Variants in MARCHF1 observed in about 807,000 individuals in gnomAD.
The protein encoded by MARCHF1 is E3 ubiquitin-protein ligase MARCHF1.
In MARCHF1, 40 loss-of-function variants were observed where a neutral mutation model predicts 54.2. That is an observed-to-expected ratio of 0.74 (90% CI 0.57 to 0.96). The LOEUF (loss-of-function observed/expected upper bound fraction) is 0.96, where lower values mean the gene tolerates loss of function less well. Ranked by LOEUF, MARCHF1 falls within the 40% of genes least tolerant of loss-of-function variation. The pLI, the probability that MARCHF1 is intolerant of heterozygous loss-of-function variation, is 0.00. For missense variants in MARCHF1, 586 were observed against 656.5 expected, an observed-to-expected ratio of 0.89 and a Z score of 1.17; for synonymous variants, 236 against 236.3, an observed-to-expected ratio of 1.00 and a Z score of 0.01.
At chr4:164,157,606 G>A (rs1347690561) in intron 1 of MARCHF1, among the ~76,000 whole-genome samples, 2 of 152,104 alleles carry the variant, frequency 1.3e-5, no homozygotes, top group Non-Finnish European at 2.9e-5. Context: ...AACCTGTAGG[G>A]GAGTCCTACT....
chr4:163,660,912 A>T (rs1169560554), intron 5 of MARCHF1, among the ~76,000 whole-genome samples: 1 of 152,040 alleles, frequency 6.6e-6, no homozygotes, highest in African/African-American at 2.4e-5. Context: ...GACCTAGGTT[A>T]TAATTTTCAC....
chr4:164,350,894 G>C (rs964555991), intron 1 of MARCHF1, among the ~76,000 whole-genome samples: 29 of 152,134 alleles, frequency 1.9e-4, no homozygotes, highest in Admixed American at 1.1e-3. Flanking sequence ...GGGCGCAGGC[G>C]AGTGGGTGCG....
intron 5 of MARCHF1, among the ~76,000 whole-genome samples, chr4:163,664,293 GAAGATC>G (rs901756077): frequency 2.0e-5 from 3 of 151,994 alleles, no homozygotes; most frequent in African/African-American, 7.2e-5. Context: ...GATGTATACA[GAAGATC>G]AAGTTAATGA....
chr4:163,858,080 G>A (rs1012400865), intron 3 of MARCHF1, among the ~76,000 whole-genome samples: 5 of 98,972 alleles, frequency 5.1e-5, no homozygotes, highest in Admixed American at 1.0e-4. Flanking sequence ...ACTACAAGCT[G>A]TGTTGCACAA....
At chr4:164,383,251 A>G (rs903207248) in intron 1 of MARCHF1, 1 of 152,332 alleles carries the variant, frequency 6.6e-6, no homozygotes, top group African/African-American at 2.4e-5. Flanking sequence ...CCGCAGGAAC[A>G]CAATGACATC....
intron 1 of MARCHF1, among the ~76,000 whole-genome samples, chr4:164,293,782 T>C (rs886078408): frequency 3.3e-5 from 5 of 152,218 alleles, no homozygotes; most frequent in African/African-American, 9.6e-5. Context: ...AAGGCTCCCA[T>C]GCATTAGTTC....
intron 3 of MARCHF1, among the ~76,000 whole-genome samples, chr4:163,954,071 G>A (rs1752186093): frequency 6.6e-6 from 1 of 152,140 alleles, no homozygotes; most frequent in African/African-American, 2.4e-5. Context: ...AATAGGTTGT[G>A]TACAGTAAGC....
intron 3 of MARCHF1, among the ~76,000 whole-genome samples, chr4:163,984,302 A>ACATATAAAC (rs2110875911): frequency 6.6e-6 from 1 of 152,360 alleles, no homozygotes; most frequent in African/African-American, 2.4e-5. Context: ...AAGAAAATGT[A>ACATATAAAC]CATATAAACA....
intron 3 of MARCHF1, among the ~76,000 whole-genome samples, chr4:163,940,465 G>A (rs1451758709): frequency 6.6e-6 from 1 of 152,018 alleles, no homozygotes; most frequent in African/African-American, 2.4e-5. Flanking sequence ...GTACGCATAT[G>A]GTAGTTAAAT....
intron 1 of MARCHF1, among the ~76,000 whole-genome samples, chr4:164,185,076 A>G (rs1730931558): frequency 6.6e-6 from 1 of 152,248 alleles, no homozygotes; most frequent in Non-Finnish European, 1.5e-5. Context: ...TTAACAATAT[A>G]AATATGTCAT....
chr4:163,876,126 T>C (rs1446184085), intron 3 of MARCHF1, among the ~76,000 whole-genome samples: 2 of 152,166 alleles, frequency 1.3e-5, no homozygotes, highest in Non-Finnish European at 2.9e-5. Flanking sequence ...TAAAAATTGA[T>C]ATTTGAATTC....
intron 1 of MARCHF1, among the ~76,000 whole-genome samples, chr4:164,218,788 A>G (rs1461330576): frequency 6.6e-6 from 1 of 151,750 alleles, no homozygotes; most frequent in Non-Finnish European, 1.5e-5. Context: ...AACATGGGAC[A>G]TGTATACATA....
rs149665421 is a variant in MARCHF1, at chr4:163,590,961, T to C, written c.1011-5032A>G. On this transcript the variant is annotated intron_variant, in intron 7 of 9. Coordinates refer to ENST00000514618, the MANE Select transcript of MARCHF1 (RefSeq NM_001394959.1). ...AATTACTTAATCTCTGTGTTTCAAGTTCATCATCAGTAAAATGGGAGAATA... is the reference window on the plus strand; with the variant it reads ...AATTACTTAATCTCTGTGTTTCAAGCTCATCATCAGTAAAATGGGAGAATA... Among the ~76,000 whole-genome samples the C allele has an allele frequency of 1.5e-3, 223 of 151,922 alleles. 1 individual carries two copies. The highest frequency in any genetic ancestry group is 4.9e-3 in the African/African-American group (204 of 41,492).
intron 8 of MARCHF1, among the ~76,000 whole-genome samples, chr4:163,549,857 G>C (rs1244608482): frequency 6.6e-6 from 1 of 152,120 alleles, no homozygotes; most frequent in Non-Finnish European, 1.5e-5. Context: ...TTGCATGATA[G>C]GGTCAGGTTT....
rs187036123 is a variant in MARCHF1 at position 164,357,145 on chromosome 4, G to C, written c.-323+26725C>G. 1.5e-4 allele frequency among the ~76,000 whole-genome samples: 22 copies of C among 151,650 alleles called. No individual in the cohort carries two copies. The East Asian group carries it at 3.3e-3, about 23-fold the overall frequency. On this transcript the variant is annotated intron_variant, in intron 1 of 9. Coordinates refer to ENST00000514618, the MANE Select transcript of MARCHF1 (RefSeq NM_001394959.1). ...AAAAAAAAAAATAAATAAAAATTTA[G>C]TGGTTTAAAACAACACAAATGCATT...
intron 5 of MARCHF1, among the ~76,000 whole-genome samples, chr4:163,645,511 C>A (rs948224198): frequency 6.6e-6 from 1 of 152,134 alleles, no homozygotes; most frequent in African/African-American, 2.4e-5. Flanking sequence ...AAAGTTCCAG[C>A]AACCAAGTCC....
intron 4 of MARCHF1, among the ~76,000 whole-genome samples, chr4:163,788,506 T>C (rs1207955423): frequency 6.6e-6 from 1 of 151,990 alleles, no homozygotes; most frequent in Non-Finnish European, 1.5e-5. Context: ...GTAGACAGAT[T>C]TTTAGTATTT....
chr4:164,050,635 A>G (rs923279294), intron 2 of MARCHF1, among the ~76,000 whole-genome samples: 3 of 152,186 alleles, frequency 2.0e-5, no homozygotes, highest in Non-Finnish European at 4.4e-5. Context: ...GTGGCATGTC[A>G]GGTCCACAGC....
At chr4:163,981,954 A>G (rs185203814) in intron 3 of MARCHF1, among the ~76,000 whole-genome samples, 26 of 152,310 alleles carry the variant, frequency 1.7e-4, no homozygotes, top group Admixed American at 2.6e-4. Flanking sequence ...TGAGGCCACA[A>G]TTTAAAAAAT....
Sources: allele counts gnomAD v4.1 joint callset (sites outside exome capture counted in the v4.1 genomes callset), GRCh38; gene constraint gnomAD v4.1.1; transcripts MANE v1.5; gene names NCBI Gene and HGNC (gene_info 2026-07-23, HGNC 2026-07-21).